Variants in NANS observed in about 807,000 individuals in gnomAD.
The protein encoded by NANS is N-acetylneuraminate-9-phosphate synthase.
NANS carries 29 observed loss-of-function variants against 33.3 expected under a neutral mutation model. The ratio of observed to expected loss-of-function variants is 0.87; its 90% CI spans 0.65 to 1.19. The LOEUF is 1.19. Among genes scored for constraint, NANS ranks in the 50% most tolerant of loss-of-function variants. NANS has a pLI of 0.00. For missense variants in NANS, 394 were observed against 461.1 expected, an observed-to-expected ratio of 0.85 and a Z score of 1.33; for synonymous variants, 163 against 177.2, an observed-to-expected ratio of 0.92 and a Z score of 0.64.
Position 98,082,717 on chromosome 9 carries a change from G to T in NANS, c.871-129G>T, listed in dbSNP as rs975313583. ...GTATGAGATATTCTGAGCAGTGTAG[G>T]GGGCAACAGAGTGCCTGCTCCCAAG... is the stretch of plus-strand genomic sequence containing the variant. On this transcript the variant is annotated intron_variant, in intron 5 of 5. Coordinates refer to ENST00000210444, the MANE Select transcript of NANS (RefSeq NM_018946.4). The T allele has an allele frequency of 1.3e-5, 10 of 741,648 alleles. No homozygotes were observed. The African/African-American group carries it at 1.4e-4, about 10-fold the overall frequency. The allele number at this position is 741,648 out of a possible 1,614,324, so 45.9% of individuals were successfully genotyped here.
At chr9:98,057,284 A>G (rs917002566) in intron 1 of NANS, among the ~76,000 whole-genome samples, 13 of 152,062 alleles carry the variant, frequency 8.5e-5, no homozygotes, top group Admixed American at 5.9e-4. Context: ...ACCCTTTAAC[A>G]TAGCCTTCAA....
At position 98,056,824 on chromosome 9, in the gene NANS, G is replaced by A. The variant is rs1157147082; in HGVS notation, c.16G>A (p.Glu6Lys). MPLEL[E>K]LCPGRWVGGQ... ...AGCCGCTGCAATGCCGCTGGAGCTG[G>A]AGCTGTGTCCCGGGCGCTGGGTGGG... The change falls in exon 1 of 6, where the codon GAG becomes AAG. Residue 6 changes from glutamate (E) to lysine (K), a missense_variant. Transcript: ENST00000210444. 6.2e-6 allele frequency: 10 copies of A among 1,611,978 alleles called. No individual in the cohort carries two copies. Among genetic ancestry groups the A allele is most frequent in the Non-Finnish European group, 8.5e-6 (10 of 1,179,392 alleles).
In NANS at chr9:98,082,953, C is replaced by T. The variant is rs1347950609; in HGVS notation, c.978C>T (p.Asp326=). The change falls in exon 6 of 6, where the codon GAC becomes GAT. Residue 326 remains aspartate (D), a synonymous_variant. Transcript: ENST00000210444. The stretch of plus-strand genomic sequence containing the variant: ...AGCCCAAAGGCTATCCTCCTGAAGA[C>T]ATCTTTAATCTAGTGGGCAAGAAGG... The part of the protein sequence containing the change: ...VGEPKGYPPE[D]IFNLVGKKVL... 30 of 1,614,054 alleles carry T rather than the reference C, an allele frequency of 1.9e-5. No homozygotes were observed. The Middle Eastern group carries it at 8.2e-4, about 44-fold the overall frequency.
chr9:98,057,270 C>T (rs1437989357), intron 1 of NANS, among the ~76,000 whole-genome samples: 1 of 152,204 alleles, frequency 6.6e-6, no homozygotes, highest in African/African-American at 2.4e-5. Context: ...CGGGTAGAGT[C>T]GAAACCCTTT....
chr9:98,078,043 CCT>C (rs1829668757), intron 3 of NANS, 148 bp from the exon 4 acceptor site: 1 of 1,172,348 alleles, frequency 8.5e-7, no homozygotes, highest in Non-Finnish European at 1.2e-6. Context: ...CCAACAAGCT[CCT>C]CTCTGTTCCC....
At chr9:98,066,289 C>CA (rs1257910274) in intron 2 of NANS, among the ~76,000 whole-genome samples, 9 of 152,200 alleles carry the variant, frequency 5.9e-5, no homozygotes, top group Admixed American at 5.9e-4. Context: ...AGGAGGTCCA[C>CA]AAAGGCAAAG....
At chr9:98,075,577 C>G (rs1239932635) in intron 2 of NANS, 1 of 152,074 alleles carries the variant, frequency 6.6e-6, no homozygotes, top group Non-Finnish European at 1.5e-5. Context: ...CAGCAACTTC[C>G]CTGGGAGAGG....
intron 2 of NANS, among the ~76,000 whole-genome samples, chr9:98,065,483 A>ATTTTTTTT (rs397837187): frequency 0.02 from 1,174 of 58,572 alleles, 97 homozygotes; most frequent in Non-Finnish European, 0.026. Context: ...TGCCCAGCTA[A>ATTTTTTTT]TTTTTTTTTT....
intron 4 of NANS, among the ~76,000 whole-genome samples, chr9:98,079,472 C>CTT (rs10647613): frequency 0.61 from 93,090 of 151,848 alleles, 31,445 homozygotes; most frequent in African/African-American, 0.9. Flanking sequence ...CAGCCATTAA[C>CTT]TTAAAAAGTT....
chr9:98,056,788 T>TTGGACCCAGACTGGTAGTGAGGCG lies in NANS; in HGVS notation c.-20_-19insGGACCCAGACTGGTAGTGAGGCGT, dbSNP rs766298846. On this transcript the variant is annotated 5_prime_UTR_variant, in exon 1 of 6. Transcript: ENST00000210444. ...GCCGGACCCAGACTGGTAGTGAGGC[T>TTGGACCCAGACTGGTAGTGAGGCG]TTGGACCCCGAGCCGCTGCAATGCC... 5.6e-5 allele frequency: 90 copies of TTGGACCCAGACTGGTAGTGAGGCG among 1,607,616 alleles called. 1 individual carries two copies. In the Middle Eastern group the frequency reaches 1.9e-3, roughly 33 times the overall value.
At chr9:98,061,424 C>T (rs1318575369) in intron 2 of NANS, among the ~76,000 whole-genome samples, 2 of 147,638 alleles carry the variant, frequency 1.4e-5, no homozygotes, top group Non-Finnish European at 3.0e-5. Context: ...TTGCAGTGAG[C>T]CGAGATCACA....
At chr9:98,059,258 C>T (rs991297832) in intron 1 of NANS, among the ~76,000 whole-genome samples, 2 of 152,126 alleles carry the variant, frequency 1.3e-5, no homozygotes, top group African/African-American at 4.8e-5. Context: ...CTCCTGACCT[C>T]GTGATCTGCC....
chr9:98,059,863 C>G (rs1455800619), intron 1 of NANS, among the ~76,000 whole-genome samples: 1 of 151,924 alleles, frequency 6.6e-6, no homozygotes, highest in East Asian at 1.9e-4. Context: ...AAGAAAATGT[C>G]ATGGAGAAAA....
chr9:98,060,640 C>T, intron 1 of NANS, 142 bp from the exon 2 acceptor site: 1 of 807,492 alleles, frequency 1.2e-6, no homozygotes, highest in Non-Finnish European at 2.0e-6. Context: ...TTCTGCACTC[C>T]AGCCTGGGTG....
At chr9:98,059,047 G>A (rs937205860) in intron 1 of NANS, among the ~76,000 whole-genome samples, 20 of 151,566 alleles carry the variant, frequency 1.3e-4, no homozygotes, top group African/African-American at 2.9e-4. Flanking sequence ...TTTTCAAGAC[G>A]GAGTCTCGCT....
At position 98,077,020 on chromosome 9, in the gene NANS, A is replaced by C; in HGVS notation, c.448+3A>C. 1 of 1,600,566 alleles carries C rather than the reference A, an allele frequency of 6.2e-7. No individual in the cohort carries two copies. Among genetic ancestry groups the C allele is most frequent in the South Asian group, 1.1e-5 (1 of 89,036 alleles). On this transcript the variant is annotated splice_donor_region_variant and intron_variant, in intron 3 of 5. Coordinates refer to ENST00000210444, the MANE Select transcript of NANS (RefSeq NM_018946.4). ...TCTGGAAAAGACAGCCAAAAAAGGT[A>C]AGTGTCTAATTTTTGACTTAAAATC... is the stretch of plus-strand genomic sequence containing the variant.
intron 1 of NANS, among the ~76,000 whole-genome samples, chr9:98,057,491 G>A (rs1828860062): frequency 6.6e-6 from 1 of 152,174 alleles, no homozygotes; most frequent in East Asian, 1.9e-4. Context: ...ACTACTAGCT[G>A]TGTGAACATG....
intron 3 of NANS, among the ~76,000 whole-genome samples, chr9:98,077,374 ATTT>A (rs76602477): frequency 7.1e-6 from 1 of 141,392 alleles, no homozygotes; most frequent in Non-Finnish European, 1.6e-5. Context: ...CTTTTTAAGA[ATTT>A]TTTTTTTTTT....
chr9:98,062,895 A>G (rs1471442326), intron 2 of NANS, among the ~76,000 whole-genome samples: 2 of 151,024 alleles, frequency 1.3e-5, no homozygotes, highest in African/African-American at 4.9e-5. Flanking sequence ...TCAAAATTCA[A>G]AGTTTAAAAT....
Sources: gnomAD v4.1 joint callset for allele counts (sites outside exome capture counted in the v4.1 genomes callset) on GRCh38, gnomAD v4.1.1 for gene constraint, MANE v1.5 for transcripts, NCBI Gene and HGNC (gene_info 2026-07-23, HGNC 2026-07-21) for gene names.